The following CFAP77 variants were observed in gnomAD, a reference collection of about 807,000 sequenced individuals.
CFAP77 encodes the protein cilia- and flagella-associated protein 77.
CFAP77 carries 25 observed loss-of-function variants against 31.1 expected under a neutral mutation model. That is an observed-to-expected ratio of 0.80 (90% CI 0.59 to 1.12). The LOEUF (loss-of-function observed/expected upper bound fraction) is 1.12. Ranked by LOEUF, CFAP77 falls within the 50% of genes most tolerant of loss-of-function variation. The pLI is 0.00. For missense variants in CFAP77, 377 were observed against 397.3 expected, an observed-to-expected ratio of 0.95 and a Z score of 0.44; for synonymous variants, 151 against 159.9, an observed-to-expected ratio of 0.94 and a Z score of 0.42.
At chr9:132,529,907 A>AT (rs1564242013) in intron 3 of CFAP77, among the ~76,000 whole-genome samples, 3 of 151,798 alleles carry the variant, frequency 2.0e-5, no homozygotes, top group African/African-American at 7.3e-5. Context: ...TTCCATCCTC[A>AT]CCAGCAGTGC....
intron 5 of CFAP77, among the ~76,000 whole-genome samples, chr9:132,562,278 A>G (rs2045429916): frequency 6.6e-6 from 1 of 152,202 alleles, no homozygotes; most frequent in Non-Finnish European, 1.5e-5. Flanking sequence ...CTCATATGAA[A>G]AAGAGGAAAA....
Position 132,498,596 on chromosome 9 carries a change from G to C in CFAP77, c.196-99G>C, listed in dbSNP as rs909779593. 2.2e-6 allele frequency: 2 copies of C among 896,110 alleles called. No homozygotes were observed. The highest frequency in any genetic ancestry group is 3.5e-6 in the Non-Finnish European group (2 of 566,414). The allele number at this position is 896,110 out of a possible 1,614,324, so 55.5% of individuals were successfully genotyped here. A position where few individuals can be genotyped will look rare whatever the true frequency, so the allele number is the denominator to read the frequency against. Reference sequence around the variant, plus strand: ...CCCTGAAGGCCACGGCAGGGCCTGGGGGAAATGCAGGCATCTGGTGCCTCC... The same window carrying C: ...CCCTGAAGGCCACGGCAGGGCCTGGCGGAAATGCAGGCATCTGGTGCCTCC... On this transcript the variant is annotated intron_variant, in intron 1 of 5. Transcript: ENST00000393216. This position sits in a 1 kb window ranked among gnomAD's most constrained non-coding sequence, Gnocchi z 4.2.
chr9:132,418,251 G>C (rs1850142757), intron 1 of CFAP77, among the ~76,000 whole-genome samples: 1 of 152,244 alleles, frequency 6.6e-6, no homozygotes, highest in Non-Finnish European at 1.5e-5. Context: ...TATTACACCT[G>C]GCGAGGGGGT....
At chr9:132,544,528 C>T (rs1288989957) in intron 5 of CFAP77, among the ~76,000 whole-genome samples, 4 of 146,110 alleles carry the variant, frequency 2.7e-5, no homozygotes. Context: ...CTGGGTCTCA[C>T]TCTGTCACCC....
chr9:132,535,670 T>C (rs1347642772), intron 3 of CFAP77, among the ~76,000 whole-genome samples: 5 of 151,944 alleles, frequency 3.3e-5, no homozygotes, highest in Non-Finnish European at 7.4e-5. Context: ...TGAGATTGCA[T>C]CACTGCACTC....
intron 1 of CFAP77, among the ~76,000 whole-genome samples, chr9:132,462,738 C>A (rs757719272): frequency 2.6e-5 from 4 of 152,072 alleles, no homozygotes; most frequent in Non-Finnish European, 4.4e-5. Flanking sequence ...ATTGCTTGAA[C>A]CTGGGAGGCA....
intron 1 of CFAP77, among the ~76,000 whole-genome samples, chr9:132,467,958 G>A (rs145555216): frequency 1.3e-5 from 2 of 152,052 alleles, no homozygotes; most frequent in East Asian, 1.9e-4. Context: ...TTCATGAAGT[G>A]TCCTGAGATA....
intron 1 of CFAP77, among the ~76,000 whole-genome samples, chr9:132,412,210 A>T (rs73552780): frequency 0.015 from 2,271 of 152,208 alleles, 50 homozygotes; most frequent in African/African-American, 0.052. Flanking sequence ...TCTTCAGGGC[A>T]CGAGATGCAG....
At chr9:132,513,902 CGGGTGACTGTG>C (rs1852089144) in intron 3 of CFAP77, among the ~76,000 whole-genome samples, 1 of 145,022 alleles carries the variant, frequency 6.9e-6, no homozygotes, top group Non-Finnish European at 1.5e-5. Flanking sequence ...TCATTGACCA[CGGGTGACTGTG>C]AGGAGATGAC....
chr9:132,413,665 G>A (rs576742143), intron 1 of CFAP77, among the ~76,000 whole-genome samples: 1 of 152,230 alleles, frequency 6.6e-6, no homozygotes, highest in South Asian at 2.1e-4. Context: ...TCCTGCCATC[G>A]GAACTCAGCT....
chr9:132,458,128 C>T (rs1245673876), intron 1 of CFAP77, among the ~76,000 whole-genome samples: 2 of 152,272 alleles, frequency 1.3e-5, no homozygotes, highest in East Asian at 3.9e-4. Context: ...AGCGGCCTTG[C>T]GGTGCGTGTG....
rs1276755759 is a variant in CFAP77 at position 132,530,327 on chromosome 9, G to T, written c.525-7274G>T. 2.0e-5 allele frequency among the ~76,000 whole-genome samples: 3 copies of T among 151,132 alleles called. No homozygotes were observed. In the South Asian group the frequency reaches 6.3e-4, roughly 32 times the overall value. ...CTCTCTCTCTGTCACCCATCCTGGA[G>T]TGCAGTGGTGCAATCTCGGCTCACT... On this transcript the variant is annotated intron_variant, in intron 3 of 5. Coordinates refer to ENST00000393216, the MANE Select transcript of CFAP77 (RefSeq NM_001282957.2).
chr9:132,416,094 C>A (rs565870343), intron 1 of CFAP77, among the ~76,000 whole-genome samples: 1 of 152,172 alleles, frequency 6.6e-6, no homozygotes, highest in Non-Finnish European at 1.5e-5. Flanking sequence ...GGACTTTGGG[C>A]TGAGCGAATC....
chr9:132,449,979 C>A (rs1589856923), intron 1 of CFAP77, among the ~76,000 whole-genome samples: 1 of 152,168 alleles, frequency 6.6e-6, no homozygotes, highest in Non-Finnish European at 1.5e-5. Flanking sequence ...GTGGCACTAT[C>A]TCAGCTTACT....
At position 132,481,173 on chromosome 9, in the gene CFAP77, C is replaced by A. The variant is rs1851440383; in HGVS notation, c.196-17522C>A. Among the ~76,000 whole-genome samples the A allele has an allele frequency of 6.6e-6, 1 of 152,112 alleles. No individual in the cohort carries two copies. The highest frequency in any genetic ancestry group is 2.1e-4 in the South Asian group (1 of 4,828). ...CGACAGAGCCTGGGGACTGTAAGAC[C>A]CCAAGCTACTGCTGCCCTTGGGAGC... On this transcript the variant is annotated intron_variant, in intron 1 of 5. Coordinates refer to ENST00000393216, the MANE Select transcript of CFAP77 (RefSeq NM_001282957.2). This position sits in a 1 kb window ranked among gnomAD's most constrained non-coding sequence, Gnocchi z 5.0.
chr9:132,529,354 T>C (rs1852392330), intron 3 of CFAP77, among the ~76,000 whole-genome samples: 1 of 107,418 alleles, frequency 9.3e-6, no homozygotes, highest in African/African-American at 3.6e-5. Context: ...CTGGGGACTG[T>C]CATGGGGTCG....
rs115545737 is a variant in CFAP77, at chr9:132,567,878, A to G, written c.733-4510A>G. 4.1e-3 allele frequency among the ~76,000 whole-genome samples: 630 copies of G among 151,916 alleles called. 5 individuals are homozygous for G. The highest frequency in any genetic ancestry group is 0.014 in the African/African-American group (595 of 41,442). On this transcript the variant is annotated intron_variant, in intron 5 of 5. Transcript: ENST00000393216. ...TCTGTGTCTTCTGTTGCTACTAAAG[A>G]TGCTTGTGATTGGATTTAGGGCCCA...
chr9:132,430,024 T>C (rs1423153203), intron 1 of CFAP77, among the ~76,000 whole-genome samples: 1 of 151,994 alleles, frequency 6.6e-6, no homozygotes, highest in East Asian at 1.9e-4. Flanking sequence ...CCCAGAGCCC[T>C]CTTTTCTCTG....
At position 132,486,088 on chromosome 9, in the gene CFAP77, A is replaced by AT. The variant is rs1206340891; in HGVS notation, c.196-12606dup. ...TGTGTATATATATATATATATATAT[A>AT]TATTTTTTTTTTTTTTTTTTTTGAG... is the stretch of plus-strand genomic sequence containing the variant. On this transcript the variant is annotated intron_variant, in intron 1 of 5. Coordinates refer to ENST00000393216, the MANE Select transcript of CFAP77 (RefSeq NM_001282957.2). Among the ~76,000 whole-genome samples, 7 of 28,522 alleles carry AT rather than the reference A, an allele frequency of 2.5e-4. 2 individuals are homozygous for AT. Among genetic ancestry groups the AT allele is most frequent in the East Asian group, 6.3e-3 (1 of 158 alleles). 18.7% of individuals were successfully genotyped at this position (28,522 alleles called of 152,430 possible).
Sources: allele counts gnomAD v4.1 joint callset (sites outside exome capture counted in the v4.1 genomes callset), GRCh38; gene constraint gnomAD v4.1.1; non-coding constraint Gnocchi (gnomAD v3.1); transcripts MANE v1.5; gene names NCBI Gene and HGNC (gene_info 2026-07-23, HGNC 2026-07-21).